The following CDH18 variants were observed in gnomAD, a reference collection of about 807,000 sequenced individuals.
CDH18 encodes cadherin 18.
CDH18 carries 31 observed loss-of-function variants against 67.9 expected under a neutral mutation model. The ratio of observed to expected loss-of-function variants is 0.46; its 90% CI spans 0.34 to 0.62. The LOEUF (loss-of-function observed/expected upper bound fraction) is 0.62. CDH18 is among the 20% of genes least tolerant of loss of function. The pLI, the probability that CDH18 is intolerant of heterozygous loss-of-function variation, is 0.01. For missense variants in CDH18, 890 were observed against 975.5 expected, an observed-to-expected ratio of 0.91 and a Z score of 1.17; for synonymous variants, 362 against 347.2, an observed-to-expected ratio of 1.04 and a Z score of -0.48.
chr5:19,910,859 T>C (rs2150137423), intron 2 of CDH18, among the ~76,000 whole-genome samples: 1 of 152,176 alleles, frequency 6.6e-6, no homozygotes, highest in South Asian at 2.1e-4. Context: ...TTATTATAAA[T>C]ACTCTAAATT....
At chr5:19,845,186 AT>A (rs1782785176) in intron 2 of CDH18, among the ~76,000 whole-genome samples, 1 of 151,234 alleles carries the variant, frequency 6.6e-6, no homozygotes, top group Admixed American at 6.6e-5. Context: ...TTAAAAAAAA[AT>A]AACAAATAAA....
chr5:20,557,290 C>T (rs370398015), intron 1 of CDH18, among the ~76,000 whole-genome samples: 8 of 150,838 alleles, frequency 5.3e-5, no homozygotes, highest in Non-Finnish European at 7.4e-5. Context: ...GTGGAGAGAT[C>T]GGCGAAAAAA....
At chr5:20,442,328 A>AT (rs1394902783) in intron 1 of CDH18, among the ~76,000 whole-genome samples, 1 of 151,978 alleles carries the variant, frequency 6.6e-6, no homozygotes, top group African/African-American at 2.4e-5. Context: ...TGAGGCATAC[A>AT]TTTTGACATG....
At chr5:20,252,149 C>A (rs764088000) in intron 2 of CDH18, among the ~76,000 whole-genome samples, 2 of 151,682 alleles carry the variant, frequency 1.3e-5, no homozygotes, top group African/African-American at 4.8e-5. Context: ...GTCAAGAGAT[C>A]GAGATCATCC....
intron 1 of CDH18, among the ~76,000 whole-genome samples, chr5:20,515,910 CTAAT>C (rs1334072398): frequency 1.3e-5 from 2 of 152,024 alleles, no homozygotes; most frequent in Non-Finnish European, 2.9e-5. Context: ...AGTTGCTTGA[CTAAT>C]TGATTGGCAT....
intron 2 of CDH18, among the ~76,000 whole-genome samples, chr5:20,166,478 CAAAAG>C (rs1430021616): frequency 6.9e-6 from 1 of 145,700 alleles, no homozygotes; most frequent in African/African-American, 2.5e-5. Context: ...AAGAAAAAGA[CAAAAG>C]AAAAGAAAAG....
At chr5:20,194,498 C>T (rs1738803852) in intron 2 of CDH18, among the ~76,000 whole-genome samples, 2 of 151,938 alleles carry the variant, frequency 1.3e-5, no homozygotes, top group Admixed American at 1.3e-4. Context: ...GAATCAAAAG[C>T]TGAGACACTC....
intron 1 of CDH18, among the ~76,000 whole-genome samples, chr5:20,556,886 T>C (rs1757934598): frequency 6.6e-6 from 1 of 152,198 alleles, no homozygotes; most frequent in Admixed American, 6.5e-5. Context: ...CATTTTCTTA[T>C]TATTCTTGTT....
At chr5:20,371,415 G>A (rs1742987302) in intron 1 of CDH18, among the ~76,000 whole-genome samples, 1 of 152,184 alleles carries the variant, frequency 6.6e-6, no homozygotes, top group Non-Finnish European at 1.5e-5. Context: ...TTGACGCATT[G>A]TTCTGCAGAA....
chr5:19,814,347 A>T (rs1417293884), intron 3 of CDH18, among the ~76,000 whole-genome samples: 1 of 150,932 alleles, frequency 6.6e-6, no homozygotes, highest in Non-Finnish European at 1.5e-5. Context: ...TCCAGGCATG[A>T]ATTATGTCCT....
chr5:19,691,438 A>T (rs1194988287), intron 5 of CDH18, among the ~76,000 whole-genome samples: 1 of 151,962 alleles, frequency 6.6e-6, no homozygotes, highest in Non-Finnish European at 1.5e-5. Context: ...GTTGGAAAGG[A>T]GGAAGTCAAA....
Position 19,978,817 on chromosome 5 carries a change from T to C in CDH18, c.-257+2243A>G, listed in dbSNP as rs375974933. Among the ~76,000 whole-genome samples the C allele has an allele frequency of 6.6e-4, 94 of 143,274 alleles. No homozygotes were observed. The South Asian group carries it at 0.018, about 28-fold the overall frequency. 94.0% of individuals were successfully genotyped at this position (143,274 alleles called of 152,430 possible). On this transcript the variant is annotated intron_variant, in intron 2 of 12. Transcript: ENST00000382275. ...ACTTTTAAAGAGCCTTGGGATTACA[T>C]TGGACGCACCAAGTTTATCCAGGAT...
At chr5:20,407,547 T>C (rs1455407601) in intron 1 of CDH18, among the ~76,000 whole-genome samples, 1 of 129,056 alleles carries the variant, frequency 7.7e-6, no homozygotes, top group African/African-American at 2.8e-5. Flanking sequence ...AGGGAAAAAA[T>C]GAACTAGCCA....
chr5:19,830,190 G>A (rs189938674), intron 3 of CDH18, among the ~76,000 whole-genome samples: 15 of 152,186 alleles, frequency 9.9e-5, no homozygotes, highest in Admixed American at 9.2e-4. Context: ...ATGACAAATG[G>A]GACCTAGTTA....
chr5:20,080,836 A>G (rs1381766372), intron 2 of CDH18, among the ~76,000 whole-genome samples: 1 of 152,154 alleles, frequency 6.6e-6, no homozygotes, highest in Non-Finnish European at 1.5e-5. Flanking sequence ...AACATCTTTT[A>G]TAATTAATAC....
At chr5:20,459,472 T>G (rs535142863) in intron 1 of CDH18, among the ~76,000 whole-genome samples, 2 of 152,280 alleles carry the variant, frequency 1.3e-5, no homozygotes, top group African/African-American at 4.8e-5. Flanking sequence ...TAAGTCTGAT[T>G]TGTGAGAGCC....
At chr5:20,032,924 G>C (rs1435416978) in intron 2 of CDH18, among the ~76,000 whole-genome samples, 1 of 151,882 alleles carries the variant, frequency 6.6e-6, no homozygotes, top group Non-Finnish European at 1.5e-5. Context: ...TAACTTTTGG[G>C]TTACTCTTAA....
intron 2 of CDH18, among the ~76,000 whole-genome samples, chr5:19,931,527 G>T (rs1428668391): frequency 6.6e-6 from 1 of 151,832 alleles, no homozygotes; most frequent in Non-Finnish European, 1.5e-5. Context: ...ATAAATACAA[G>T]TACTGATTCC....
At chr5:20,507,511 C>T (rs1754730904) in intron 1 of CDH18, among the ~76,000 whole-genome samples, 1 of 151,986 alleles carries the variant, frequency 6.6e-6, no homozygotes, top group South Asian at 2.1e-4. Context: ...TTCATGAGAA[C>T]ACATTTAGGT....
Sources: allele counts gnomAD v4.1 joint callset (sites outside exome capture counted in the v4.1 genomes callset), GRCh38; gene constraint gnomAD v4.1.1; transcripts MANE v1.5; gene names NCBI Gene and HGNC (gene_info 2026-07-23, HGNC 2026-07-21).